USP34: variants seen among roughly 807,000 people sequenced by gnomAD.
USP34 encodes the protein ubiquitin carboxyl-terminal hydrolase 34.
In USP34, 70 loss-of-function variants were observed where a neutral mutation model predicts 460.3. The ratio of observed to expected loss-of-function variants is 0.15; its 90% CI spans 0.13 to 0.19. The LOEUF (loss-of-function observed/expected upper bound fraction) is 0.19, where lower values mean the gene tolerates loss of function less well. USP34 is among the 10% of genes least tolerant of loss of function. The pLI is 1.00. For missense variants in USP34, 3,985 were observed against 4,236.2 expected (o/e 0.94, Z 1.65); for synonymous variants, 1,647 against 1,405.3 (o/e 1.17, Z -3.85).
chr2:61,198,420 A>G (rs1686871241), intron 75 of USP34, among the ~76,000 whole-genome samples: 1 of 152,216 alleles, frequency 6.6e-6, no homozygotes, highest in South Asian at 2.1e-4. Flanking sequence ...ATTACAACCA[A>G]AGTGAAAATA....
chr2:61,271,646 G>T (rs1278737836), intron 41 of USP34, among the ~76,000 whole-genome samples: 1 of 152,040 alleles, frequency 6.6e-6, no homozygotes, highest in Non-Finnish European at 1.5e-5. Context: ...GAAGAATGAA[G>T]ATTAGCACTA....
intron 18 of USP34, among the ~76,000 whole-genome samples, chr2:61,336,547 C>T (rs1025776455): frequency 2.0e-5 from 3 of 151,012 alleles, no homozygotes; most frequent in Admixed American, 6.6e-5. Context: ...CAGTGGCTCA[C>T]GCCTATAATC....
At chr2:61,348,998 A>G (rs1304536811) in intron 13 of USP34, 112 bp from the exon 14 acceptor site, 1 of 1,242,478 alleles carries the variant, frequency 8.0e-7, no homozygotes, top group African/African-American at 1.5e-5. Context: ...TATGCTAAGT[A>G]GCCAAAAATA....
intron 75 of USP34, among the ~76,000 whole-genome samples, chr2:61,197,966 G>A (rs2103754199): frequency 6.6e-6 from 1 of 152,144 alleles, no homozygotes; most frequent in Non-Finnish European, 1.5e-5. Context: ...TCACCATGTT[G>A]GCCAGGATGG....
At position 61,331,260 on chromosome 2, in the gene USP34, G is replaced by C. The variant is rs769262607; in HGVS notation, c.2930+16C>G. On this transcript the variant is annotated intron_variant, in intron 20 of 79. Transcript: ENST00000398571. ...CATCGACACAAATGTATTTAACCCA[G>C]TTGAGAGGTACTTACAGTGCATGTT... is the stretch of plus-strand genomic sequence containing the variant. 2.5e-6 allele frequency: 4 copies of C among 1,593,956 alleles called. No individual in the cohort carries two copies. Among genetic ancestry groups the C allele is most frequent in the Non-Finnish European group, 3.4e-6 (4 of 1,166,586 alleles).
intron 1 of USP34, 43 bp downstream of exon 1, chr2:61,470,607 C>T: frequency 1.4e-6 from 2 of 1,447,926 alleles, no homozygotes; most frequent in African/African-American, 1.4e-5. Flanking sequence ...GCGCGAGGAC[C>T]CCAAACCGTG....
intron 1 of USP34, among the ~76,000 whole-genome samples, chr2:61,464,717 CAAAAAAAAAAA>C (rs35331685): frequency 1.3e-5 from 1 of 77,996 alleles, no homozygotes; most frequent in Non-Finnish European, 2.4e-5. Context: ...GACTCCGTCT[CAAAAAAAAAAA>C]AAAAAAAAAA....
intron 75 of USP34, among the ~76,000 whole-genome samples, chr2:61,200,921 G>A (rs1483147107): frequency 1.3e-5 from 2 of 152,002 alleles, no homozygotes; most frequent in African/African-American, 4.8e-5. Context: ...GAAACAATAG[G>A]AAAGTTCTTA....
chr2:61,383,360 C>T, intron 5 of USP34, 24 bp from the exon 6 acceptor site: 1 of 1,508,984 alleles, frequency 6.6e-7, no homozygotes, highest in Non-Finnish European at 9.1e-7. Flanking sequence ...ATAAAAACAA[C>T]ATTAATGCCT....
chr2:61,303,143 T>C (rs900893869), intron 27 of USP34, among the ~76,000 whole-genome samples: 9 of 152,080 alleles, frequency 5.9e-5, no homozygotes, highest in African/African-American at 2.2e-4. Flanking sequence ...CTCAGCTCAC[T>C]GCAACCTCCG....
chr2:61,304,070 G>T (rs1242093051), intron 27 of USP34, among the ~76,000 whole-genome samples: 1 of 152,014 alleles, frequency 6.6e-6, no homozygotes. Context: ...GCTAATTTTT[G>T]TATTTTTAGT....
At chr2:61,212,074 TAAC>T (rs1311620333) in intron 68 of USP34, 145 bp from the exon 69 acceptor site, 5 of 1,143,236 alleles carry the variant, frequency 4.4e-6, no homozygotes, top group Non-Finnish European at 5.8e-6. Flanking sequence ...ATAAAATCAG[TAAC>T]AAATTCTATT....
intron 3 of USP34, 82 bp downstream of exon 3, chr2:61,405,626 G>C: frequency 8.0e-7 from 1 of 1,242,726 alleles, no homozygotes; most frequent in Non-Finnish European, 1.1e-6. Context: ...GCAGAAAACT[G>C]TCTTCATATT....
intron 10 of USP34, among the ~76,000 whole-genome samples, chr2:61,357,401 G>A (rs897884664): frequency 1.4e-4 from 22 of 152,108 alleles, no homozygotes; most frequent in Admixed American, 5.2e-4. Flanking sequence ...ACAAAAAATA[G>A]AATGCAGAAA....
chr2:61,193,365 TAAAAAA>T (rs577314106), intron 75 of USP34: 19,834 of 97,198 alleles, frequency 0.2, 1,869 homozygotes, highest in African/African-American at 0.33. Flanking sequence ...AGGGGAAAGG[TAAAAAA>T]AAAAAAAAAA....
In USP34 at chr2:61,291,020, G is replaced by A. The variant is rs746411581; in HGVS notation, c.4549-2143C>T. On this transcript the variant is annotated intron_variant, in intron 33 of 79. Coordinates refer to ENST00000398571, the MANE Select transcript of USP34 (RefSeq NM_014709.4). ...AGGGTGCTCTCAAGAAAGGGAAAAA[G>A]GCAACCCATAGAACGGGAGAAAATA... is the stretch of plus-strand genomic sequence containing the variant. Among the ~76,000 whole-genome samples the A allele has an allele frequency of 2.0e-5, 3 of 152,164 alleles. No individual in the cohort carries two copies. In the South Asian group the frequency reaches 6.2e-4, roughly 32 times the overall value.
intron 1 of USP34, among the ~76,000 whole-genome samples, chr2:61,460,691 A>T (rs1333756046): frequency 2.6e-5 from 4 of 152,132 alleles, no homozygotes; most frequent in Non-Finnish European, 5.9e-5. Flanking sequence ...TCGATTCATA[A>T]AACAGGTAGA....
In USP34 at chr2:61,350,652, T is replaced by A; in HGVS notation, c.1293A>T (p.Ser431=). Residue 431 remains serine, a synonymous_variant, in exon 11 of 80, where the codon TCA becomes TCT. Transcript: ENST00000398571. Reference sequence around the variant, plus strand: ...GTACGGGATCCAAATTCTTGATGAGTGAAGGAAATAAGTCATGTATATACC... The same window carrying A: ...GTACGGGATCCAAATTCTTGATGAGAGAAGGAAATAAGTCATGTATATACC... ...CSRYIHDLFP[S]LIKNLDPVPL... 1 of 1,613,484 alleles carries A rather than the reference T, an allele frequency of 6.2e-7. No individual in the cohort carries two copies. Among genetic ancestry groups the A allele is most frequent in the South Asian group, 1.1e-5 (1 of 90,996 alleles).
At chr2:61,235,370 G>C (rs1391875106) in intron 57 of USP34, among the ~76,000 whole-genome samples, 2 of 148,454 alleles carry the variant, frequency 1.3e-5, no homozygotes, top group Non-Finnish European at 3.0e-5. Flanking sequence ...TGTGTCGTCA[G>C]GCTGGAGTGC....
Sources: gnomAD v4.1 joint callset for allele counts (sites outside exome capture counted in the v4.1 genomes callset) on GRCh38, gnomAD v4.1.1 for gene constraint, MANE v1.5 for transcripts, NCBI Gene and HGNC (gene_info 2026-07-23, HGNC 2026-07-21) for gene names.